DNAI1: variants seen among roughly 807,000 people sequenced by gnomAD.
DNAI1 encodes the protein dynein, axonemal, intermediate polypeptide 1.
In DNAI1, 67 loss-of-function variants were observed where a neutral mutation model predicts 92.0. That is an observed-to-expected ratio of 0.73 (90% CI 0.60 to 0.89). DNAI1 has a LOEUF of 0.89. DNAI1 is among the 40% of genes least tolerant of loss of function. The pLI is 0.00. For missense variants in DNAI1, 839 were observed against 866.6 expected, an observed-to-expected ratio of 0.97 and a Z score of 0.40; for synonymous variants, 323 against 319.6, an observed-to-expected ratio of 1.01 and a Z score of -0.11.
Position 34,477,927 on chromosome 9 carries a change from T to C in DNAI1, c.49-5521T>C, listed in dbSNP as rs990598260. Among the ~76,000 whole-genome samples, 61 of 82,154 alleles carry C rather than the reference T, an allele frequency of 7.4e-4. No individual in the cohort carries two copies. The Middle Eastern group carries it at 0.032, about 43-fold the overall frequency. The allele number at this position is 82,154 out of a possible 152,430, so 53.9% of individuals were successfully genotyped here. On this transcript the variant is annotated intron_variant, in intron 1 of 19. Coordinates refer to ENST00000242317, the MANE Select transcript of DNAI1 (RefSeq NM_012144.4). ...CTGTCTCTCTCTCTCTCTCTCTCTT[T>C]TTTTTTTTTTTTTTTTTTTTTTAGT... is the stretch of plus-strand genomic sequence containing the variant.
At chr9:34,517,680 C>G (rs1003191181) in intron 19 of DNAI1, among the ~76,000 whole-genome samples, 4 of 152,194 alleles carry the variant, frequency 2.6e-5, no homozygotes, top group African/African-American at 9.6e-5. Flanking sequence ...TGTGGGGCCC[C>G]AGGTGACTTT....
intron 1 of DNAI1, among the ~76,000 whole-genome samples, chr9:34,480,272 C>CTTTTTT (rs202115133): frequency 2.8e-4 from 28 of 99,428 alleles, no homozygotes; most frequent in African/African-American, 4.4e-4. Flanking sequence ...TTTGGTGGAA[C>CTTTTTT]TTTTTTTTTT....
chr9:34,481,578 A>G (rs1824356114), intron 1 of DNAI1, among the ~76,000 whole-genome samples: 3 of 152,216 alleles, frequency 2.0e-5, no homozygotes, highest in African/African-American at 7.2e-5. Flanking sequence ...TGAGTGTTAT[A>G]GCTCTTAAGG....
rs1824563342 is a variant in DNAI1 at position 34,490,381 on chromosome 9, GTGAC to G, written c.518_521del (p.Thr173LysfsTer4). ...TCTTTATTTTCAGGCAGCTGAAAAA[GTGAC>G]TGAAGAAGAATTGATGACTCCTAAG... On this transcript the variant is annotated frameshift_variant, in exon 7 of 20. Coordinates refer to ENST00000242317, the MANE Select transcript of DNAI1 (RefSeq NM_012144.4). LOFTEE classifies it high-confidence loss of function. 1 of 1,614,092 alleles carries G rather than the reference GTGAC, an allele frequency of 6.2e-7. No homozygotes were observed. Among genetic ancestry groups the G allele is most frequent in the African/African-American group, 1.3e-5 (1 of 74,932 alleles).
At chr9:34,504,748 G>A (rs910882585) in intron 12 of DNAI1, among the ~76,000 whole-genome samples, 3 of 152,212 alleles carry the variant, frequency 2.0e-5, no homozygotes, top group Non-Finnish European at 2.9e-5. Context: ...TGGCCTCTGG[G>A]CCATGCTTGA....
rs1824740568 is a variant in DNAI1, at chr9:34,497,107, C to T, written c.817-8C>T. On this transcript the variant is annotated splice_polypyrimidine_tract_variant and splice_region_variant and intron_variant, in intron 9 of 19. Transcript: ENST00000242317. ...TTATGAGGACCTGAAGTTTCTGTAT[C>T]CCCACAGACTGATGATCTCATCAAA... 6.2e-7 allele frequency: 1 copy of T among 1,612,440 alleles called. No homozygotes were observed. The highest frequency in any genetic ancestry group is 8.5e-7 in the Non-Finnish European group (1 of 1,178,476).
intron 4 of DNAI1, chr9:34,487,924 C>T (rs1824505500): frequency 4.4e-6 from 1 of 227,526 alleles, no homozygotes; most frequent in Non-Finnish European, 9.2e-6. Context: ...CTGATCTAGG[C>T]ATGCCTTCCC....
At chr9:34,464,328 C>T (rs761297800) in intron 1 of DNAI1, among the ~76,000 whole-genome samples, 23 of 152,166 alleles carry the variant, frequency 1.5e-4, no homozygotes, top group Non-Finnish European at 2.9e-4. Context: ...TTTAGACAAT[C>T]GCTCCAGAGA....
At position 34,491,569 on chromosome 9, in the gene DNAI1, C is replaced by T; in HGVS notation, c.681+15C>T. 1 of 1,614,108 alleles carries T rather than the reference C, an allele frequency of 6.2e-7. No homozygotes were observed. Among genetic ancestry groups the T allele is most frequent in the Non-Finnish European group, 8.5e-7 (1 of 1,179,986 alleles). Reference sequence around the variant, plus strand: ...CAGCCAATCAGGTAAGACCCTGGGCCAGCCTGAAACCTCTTACCACCCACC... The same window carrying T: ...CAGCCAATCAGGTAAGACCCTGGGCTAGCCTGAAACCTCTTACCACCCACC... On this transcript the variant is annotated intron_variant, in intron 8 of 19. Coordinates refer to ENST00000242317, the MANE Select transcript of DNAI1 (RefSeq NM_012144.4).
intron 10 of DNAI1, among the ~76,000 whole-genome samples, chr9:34,498,353 A>C (rs1824765668): frequency 6.6e-6 from 1 of 152,242 alleles, no homozygotes; most frequent in African/African-American, 2.4e-5. Flanking sequence ...GGATGTTGCC[A>C]CTTTTTCAAA....
At chr9:34,496,749 G>T (rs940872945) in intron 9 of DNAI1, among the ~76,000 whole-genome samples, 4 of 152,126 alleles carry the variant, frequency 2.6e-5, no homozygotes, top group Non-Finnish European at 5.9e-5. Flanking sequence ...ACCAAAGAAG[G>T]CTCCAACCTG....
intron 6 of DNAI1, 111 bp from the exon 7 acceptor site, chr9:34,490,258 G>A: frequency 6.2e-7 from 1 of 1,606,830 alleles, no homozygotes; most frequent in Admixed American, 1.7e-5. Context: ...GTGTCTGGCA[G>A]CATCACTCTC....
At chr9:34,501,350 GAAGGAATAT>G (rs1824827787) in intron 12 of DNAI1, among the ~76,000 whole-genome samples, 169 bp downstream of exon 12, 1 of 152,266 alleles carries the variant, frequency 6.6e-6, no homozygotes, top group Admixed American at 6.5e-5. Flanking sequence ...AGTGCTGGGT[GAAGGAATAT>G]TCTAAGCTGA....
At chr9:34,477,519 T>C (rs1359957638) in intron 1 of DNAI1, among the ~76,000 whole-genome samples, 1 of 152,142 alleles carries the variant, frequency 6.6e-6, no homozygotes, top group Admixed American at 6.5e-5. Context: ...TATAATGATA[T>C]AATCATTAGA....
intron 4 of DNAI1, among the ~76,000 whole-genome samples, chr9:34,485,837 A>G (rs1824458187): frequency 6.6e-6 from 1 of 152,184 alleles, no homozygotes; most frequent in African/African-American, 2.4e-5. Context: ...TAAACTATTG[A>G]GTCTTCAAAA....
intron 3 of DNAI1, 42 bp downstream of exon 3, chr9:34,485,282 C>T (rs1824448138): frequency 1.2e-6 from 2 of 1,611,902 alleles, no homozygotes; most frequent in Non-Finnish European, 8.5e-7. Flanking sequence ...GTACCTCTTC[C>T]AGTTTCGGAG....
intron 12 of DNAI1, 59 bp from the exon 13 acceptor site, chr9:34,506,568 G>C: frequency 1.9e-6 from 3 of 1,611,180 alleles, no homozygotes; most frequent in Non-Finnish European, 2.5e-6. Flanking sequence ...GGGTGAGGGG[G>C]CTTCTCCAGG....
intron 9 of DNAI1, among the ~76,000 whole-genome samples, chr9:34,494,966 C>T (rs991195087): frequency 6.6e-6 from 1 of 152,200 alleles, no homozygotes; most frequent in Non-Finnish European, 1.5e-5. Context: ...AACAGAGTGA[C>T]ACCCCTTCCT....
intron 1 of DNAI1, among the ~76,000 whole-genome samples, chr9:34,474,723 C>A (rs1235060667): frequency 6.6e-6 from 1 of 151,902 alleles, no homozygotes; most frequent in African/African-American, 2.4e-5. Flanking sequence ...CATGTGCCAC[C>A]ATGTCCGGCT....
Sources: allele counts gnomAD v4.1 joint callset (sites outside exome capture counted in the v4.1 genomes callset), GRCh38; gene constraint gnomAD v4.1.1; transcripts MANE v1.5; gene names NCBI Gene and HGNC (gene_info 2026-07-23, HGNC 2026-07-21).